RPH3AL: variants seen among roughly 807,000 people sequenced by gnomAD.
The protein encoded by RPH3AL is rab effector Noc2.
Under a neutral mutation model 43.1 loss-of-function variants are expected in RPH3AL, and 38 were observed. The observed-to-expected ratio is 0.88, with a 90% CI of 0.68 to 1.15. The LOEUF is 1.15. Among genes scored for constraint, RPH3AL ranks in the 50% most tolerant of loss-of-function variants. The pLI is 0.00. For synonymous variants in RPH3AL, 189 were observed against 176.3 expected, an observed-to-expected ratio of 1.07 and a Z score of -0.57; for missense variants, 462 against 423.2, an observed-to-expected ratio of 1.09 and a Z score of -0.81.
Position 321,908 on chromosome 17 carries a change from G to A in RPH3AL, c.78-493C>T, listed in dbSNP as rs534142416. On this transcript the variant is annotated intron_variant, in intron 3 of 9. Transcript: ENST00000331302. ...ACAGAGAAGGCCAAGGTCACAGCAC[G>A]AGAGGTGTCAAGGGAGGAGCATGAG... Among the ~76,000 whole-genome samples the A allele has an allele frequency of 5.9e-5, 9 of 152,360 alleles. No homozygotes were observed. The South Asian group carries it at 6.2e-4, about 11-fold the overall frequency.
At chr17:263,086 G>A (rs1166277745) in intron 6 of RPH3AL, among the ~76,000 whole-genome samples, 1 of 152,154 alleles carries the variant, frequency 6.6e-6, no homozygotes, top group African/African-American at 2.4e-5. Flanking sequence ...AAGCATGGAA[G>A]AATTCATTAT....
intron 5 of RPH3AL, among the ~76,000 whole-genome samples, chr17:315,408 T>A (rs2043962309): frequency 6.6e-6 from 1 of 152,128 alleles, no homozygotes. Flanking sequence ...GTAGTCCCTG[T>A]GCCCCCACCT....
At chr17:317,174 G>GA (rs201318891) in intron 5 of RPH3AL, among the ~76,000 whole-genome samples, 5 of 106,744 alleles carry the variant, frequency 4.7e-5, no homozygotes, top group South Asian at 3.3e-4. Flanking sequence ...TAGTCCCTGT[G>GA]CTCCACCTCC....
At chr17:269,156 G>C (rs2042401579) in intron 6 of RPH3AL, among the ~76,000 whole-genome samples, 1 of 152,114 alleles carries the variant, frequency 6.6e-6, no homozygotes, top group Non-Finnish European at 1.5e-5. Flanking sequence ...GGGATCACAG[G>C]CGTGAGCCAC....
In RPH3AL at chr17:282,653, T is replaced by A. The variant is rs1461651052; in HGVS notation, c.352-799A>T. 2.6e-5 allele frequency among the ~76,000 whole-genome samples: 4 copies of A among 152,182 alleles called. No homozygotes were observed. The East Asian group carries it at 5.8e-4, about 22-fold the overall frequency. ...ACTGTTGCTTAAAAACAAGAATATG[T>A]CCTGAGAAAAGGCACAGTGAGGTGA... On this transcript the variant is annotated intron_variant, in intron 5 of 9. Coordinates refer to ENST00000331302, the MANE Select transcript of RPH3AL (RefSeq NM_006987.4).
intron 1 of RPH3AL, among the ~76,000 whole-genome samples, chr17:343,457 T>C (rs2045169536): frequency 6.6e-6 from 1 of 152,220 alleles, no homozygotes; most frequent in African/African-American, 2.4e-5. Flanking sequence ...TCTCTTCTTC[T>C]GACAGGTGAC....
Position 245,400 on chromosome 17 carries a change from A to AGT in RPH3AL, c.613+1709_613+1710dup, listed in dbSNP as rs145270784. On this transcript the variant is annotated intron_variant, in intron 7 of 9. Transcript: ENST00000331302. The surrounding 1 kb of genome is among the most constrained non-coding windows in gnomAD (Gnocchi z 5.9). ...GGATGTCAGTGTGTGTGTGGATATCAGTGTGTGTGTGTGCATGGTGATGTG... is the reference window on the plus strand; with the variant it reads ...GGATGTCAGTGTGTGTGTGGATATCAGTGTGTGTGTGTGTGCATGGTGATGTG... 9.4e-5 allele frequency among the ~76,000 whole-genome samples: 13 copies of AGT among 137,588 alleles called. No homozygotes were observed. The highest frequency in any genetic ancestry group is 3.0e-4 in the African/African-American group (11 of 36,438). 90.3% of individuals were successfully genotyped at this position (137,588 alleles called of 152,430 possible).
chr17:337,304 T>C (rs1001883584), intron 1 of RPH3AL, among the ~76,000 whole-genome samples: 2 of 152,048 alleles, frequency 1.3e-5, no homozygotes, highest in Admixed American at 1.3e-4. Context: ...TCTTGCTCTG[T>C]TGTCCAGGCT....
At chr17:218,875 G>C (rs559120206) in intron 8 of RPH3AL, among the ~76,000 whole-genome samples, 1 of 152,308 alleles carries the variant, frequency 6.6e-6, no homozygotes, top group African/African-American at 2.4e-5. Flanking sequence ...TGGCAGGACT[G>C]ACCTAGTGCA....
chr17:337,189 C>T (rs2044981048), intron 1 of RPH3AL, among the ~76,000 whole-genome samples: 1 of 151,908 alleles, frequency 6.6e-6, no homozygotes, highest in South Asian at 2.1e-4. Context: ...AGTCACAGTT[C>T]ACTGCAGCCT....
Position 245,632 on chromosome 17 carries a change from C to G in RPH3AL, c.613+1479G>C, listed in dbSNP as rs2041746369. Among the ~76,000 whole-genome samples the G allele has an allele frequency of 6.6e-6, 1 of 152,118 alleles. No homozygotes were observed. The highest frequency in any genetic ancestry group is 1.5e-5 in the Non-Finnish European group (1 of 68,028). On this transcript the variant is annotated intron_variant, in intron 7 of 9. Transcript: ENST00000331302. This position sits in a 1 kb window ranked among gnomAD's most constrained non-coding sequence, Gnocchi z 5.9. ...CCACAGGTGTCCACCAGCTTCTGCT[C>G]CCACTGTCTGAGGGACATGGACAGA...
Position 273,017 on chromosome 17 carries a change from TCAGGAAGAGACCCCAGCGAGGGC to T in RPH3AL, c.438+8728_438+8750del, listed in dbSNP as rs1567604613. ...GGGTGAGACCCCAGCGAGGGCGACATCAGGAAGAGACCCCAGCGAGGGCGACGTCAGGGAGAGACCCCAGCGAG... is the reference window on the plus strand; with the variant it reads ...GGGTGAGACCCCAGCGAGGGCGACATGACGTCAGGGAGAGACCCCAGCGAG... On this transcript the variant is annotated intron_variant, in intron 6 of 9. Transcript: ENST00000331302. 6.3e-3 allele frequency among the ~76,000 whole-genome samples: 730 copies of T among 114,966 alleles called. 1 individual carries two copies. Among genetic ancestry groups the T allele is most frequent in the Middle Eastern group, 0.026 (5 of 192 alleles). 75.4% of individuals were successfully genotyped at this position (114,966 alleles called of 152,430 possible).
At chr17:317,355 C>T (rs558447159) in intron 5 of RPH3AL, among the ~76,000 whole-genome samples, 3 of 146,714 alleles carry the variant, frequency 2.0e-5, no homozygotes, top group African/African-American at 2.6e-5. Flanking sequence ...AGTCCCTGTG[C>T]CCCCACCTCC....
chr17:219,795 G>T, intron 7 of RPH3AL, 59 bp from the exon 8 acceptor site: 1 of 1,285,920 alleles, frequency 7.8e-7, no homozygotes, highest in Non-Finnish European at 1.1e-6. Context: ...CTGCAGGCAT[G>T]GACGGAGGGA....
At chr17:275,239 A>G (rs868632147) in intron 6 of RPH3AL, among the ~76,000 whole-genome samples, 91 of 80,682 alleles carry the variant, frequency 1.1e-3, no homozygotes, top group Non-Finnish European at 2.4e-3. Flanking sequence ...ACAGCAAAAA[A>G]AACAAAAAAC....
At chr17:259,102 G>A (rs782307331) in intron 6 of RPH3AL, among the ~76,000 whole-genome samples, 5 of 152,210 alleles carry the variant, frequency 3.3e-5, no homozygotes, top group African/African-American at 9.6e-5. Context: ...TCATTGTAAC[G>A]GGGCCTCGCT....
intron 6 of RPH3AL, among the ~76,000 whole-genome samples, chr17:247,845 A>G (rs2041803497): frequency 1.3e-5 from 2 of 152,190 alleles, no homozygotes; most frequent in African/African-American, 4.8e-5. Context: ...TCCTAGTGAC[A>G]GGAAGCCCAC....
Position 284,831 on chromosome 17 carries a change from C to T in RPH3AL, c.352-2977G>A, listed in dbSNP as rs141303080. Among the ~76,000 whole-genome samples, 422 of 152,350 alleles carry T rather than the reference C, an allele frequency of 2.8e-3. 1 individual carries two copies. The highest frequency in any genetic ancestry group is 9.5e-3 in the African/African-American group (397 of 41,590). On this transcript the variant is annotated intron_variant, in intron 5 of 9. Coordinates refer to ENST00000331302, the MANE Select transcript of RPH3AL (RefSeq NM_006987.4). ...GTTTATCACAGCTGCAGAGGCCTGACGGCCCCGGTCGGGGTGCCCACACGG... is the reference window on the plus strand; with the variant it reads ...GTTTATCACAGCTGCAGAGGCCTGATGGCCCCGGTCGGGGTGCCCACACGG...
Position 270,338 on chromosome 17 carries a change from C to T in RPH3AL, c.438+11430G>A, listed in dbSNP as rs557684517. Reference sequence around the variant, plus strand: ...ATGGCAGCTTGCGGTGAGCACAGGCCGCCTGCCCGGGAAGCAGGTGCCGCA... The same window carrying T: ...ATGGCAGCTTGCGGTGAGCACAGGCTGCCTGCCCGGGAAGCAGGTGCCGCA... On this transcript the variant is annotated intron_variant, in intron 6 of 9. Transcript: ENST00000331302. Among the ~76,000 whole-genome samples, 389 of 152,306 alleles carry T rather than the reference C, an allele frequency of 2.6e-3. 2 individuals are homozygous for T. Among genetic ancestry groups the T allele is most frequent in the African/African-American group, 8.9e-3 (368 of 41,566 alleles).
Sources: allele counts gnomAD v4.1 joint callset (sites outside exome capture counted in the v4.1 genomes callset), GRCh38; gene constraint gnomAD v4.1.1; non-coding constraint Gnocchi (gnomAD v3.1); transcripts MANE v1.5; gene names NCBI Gene and HGNC (gene_info 2026-07-23, HGNC 2026-07-21).